LHFPL5: variants seen among roughly 807,000 people sequenced by gnomAD.
LHFPL5 encodes LHFPL tetraspan subfamily member 5 protein.
In LHFPL5, 12 loss-of-function variants were observed where a neutral mutation model predicts 18.7. The observed-to-expected ratio is 0.64, with a 90% CI of 0.41 to 1.04. The LOEUF (loss-of-function observed/expected upper bound fraction) is 1.04, where lower values mean the gene tolerates loss of function less well. Among genes scored for constraint, LHFPL5 ranks in the 50% least tolerant of loss-of-function variants. The probability of loss-of-function intolerance (pLI) is 0.00; values close to 1 mark genes in which losing one functional copy is unlikely to be tolerated. For synonymous variants in LHFPL5, 111 were observed against 120.2 expected (o/e 0.92, Z 0.50); for missense variants, 259 against 292.1 (o/e 0.89, Z 0.83).
rs772977874 is a variant in LHFPL5 at position 35,806,194 on chromosome 6, A to G, written c.412+112A>G. 267 of 1,155,526 alleles carry G rather than the reference A, an allele frequency of 2.3e-4. 2 individuals are homozygous for G. Among genetic ancestry groups the G allele is most frequent in the Non-Finnish European group, 3.1e-4 (248 of 804,106 alleles). The allele number at this position is 1,155,526 out of a possible 1,614,324, so 71.6% of individuals were successfully genotyped here. A position where few individuals can be genotyped will look rare whatever the true frequency, so the allele number is the denominator to read the frequency against. On this transcript the variant is annotated intron_variant, in intron 1 of 3. Coordinates refer to ENST00000360215, the MANE Select transcript of LHFPL5 (RefSeq NM_182548.4). ...GGGCCTTAAATTTAGCTGTTCTCCT[A>G]TAGCCCAGTCCTACTCAGTGCTCTG...
chr6:35,816,362 GA>G (rs1168442565), intron 2 of LHFPL5, among the ~76,000 whole-genome samples: 22 of 127,366 alleles, frequency 1.7e-4, no homozygotes, highest in African/African-American at 5.4e-4. Flanking sequence ...AAAAAAAAAA[GA>G]AAAAAAAAGA....
At position 35,814,521 on chromosome 6, in the gene LHFPL5, A is replaced by G; in HGVS notation, c.413-25A>G. 6.4e-7 allele frequency: 1 copy of G among 1,567,288 alleles called. No homozygotes were observed. On this transcript the variant is annotated intron_variant, in intron 1 of 3. Transcript: ENST00000360215. The surrounding 1 kb of genome is among the most constrained non-coding windows in gnomAD (Gnocchi z 4.2). ...GGCTAGGCACACTCGGCCTGATGCC[A>G]TGTGCACCCCTCCTTCCCCCTCAGC...
chr6:35,816,165 G>A (rs1448186087), intron 2 of LHFPL5, among the ~76,000 whole-genome samples: 2 of 142,216 alleles, frequency 1.4e-5, no homozygotes, highest in South Asian at 4.5e-4. Flanking sequence ...GTGACAGAGC[G>A]AGACTCCGTC....
At chr6:35,815,843 G>A (rs897284408) in intron 2 of LHFPL5, among the ~76,000 whole-genome samples, 1 of 152,150 alleles carries the variant, frequency 6.6e-6, no homozygotes, top group African/African-American at 2.4e-5. Flanking sequence ...CCTTCTTTGG[G>A]GGTGAGAGAA....
chr6:35,817,960 A>G (rs1002205423), intron 2 of LHFPL5, among the ~76,000 whole-genome samples: 1 of 152,250 alleles, frequency 6.6e-6, no homozygotes, highest in African/African-American at 2.4e-5. Flanking sequence ...GGTTTTTAGT[A>G]TATTCCATCT....
intron 2 of LHFPL5, among the ~76,000 whole-genome samples, chr6:35,815,038 C>A (rs947244895): frequency 6.6e-6 from 1 of 152,178 alleles, no homozygotes; most frequent in African/African-American, 2.4e-5. Flanking sequence ...GGGGAGAGAG[C>A]TGCAATCCAG....
chr6:35,820,434 C>G (rs1320133287), intron 3 of LHFPL5, among the ~76,000 whole-genome samples: 1 of 152,208 alleles, frequency 6.6e-6, no homozygotes, highest in Non-Finnish European at 1.5e-5. Context: ...GGCGCGGTGA[C>G]TCACGCCTGT....
chr6:35,818,235 T>C (rs1768796070), intron 2 of LHFPL5, among the ~76,000 whole-genome samples: 1 of 151,638 alleles, frequency 6.6e-6, no homozygotes, highest in Non-Finnish European at 1.5e-5. Context: ...TGATTGCTAA[T>C]GGGCACAGGG....
At chr6:35,816,945 T>A (rs1387641588) in intron 2 of LHFPL5, among the ~76,000 whole-genome samples, 1 of 151,976 alleles carries the variant, frequency 6.6e-6, no homozygotes, top group Non-Finnish European at 1.5e-5. Flanking sequence ...CAGATCTCTG[T>A]ATGTGAAAGA....
intron 1 of LHFPL5, among the ~76,000 whole-genome samples, chr6:35,808,879 A>G (rs1768619430): frequency 6.6e-6 from 1 of 152,044 alleles, no homozygotes. Flanking sequence ...CACTGATAGC[A>G]GAGGTGGCCA....
At chr6:35,813,873 C>T (rs1364870417) in intron 1 of LHFPL5, among the ~76,000 whole-genome samples, 5 of 150,232 alleles carry the variant, frequency 3.3e-5, no homozygotes, top group African/African-American at 4.9e-5. Context: ...CTCAGCTCAC[C>T]GCAACCTCTG....
At chr6:35,810,901 G>A (rs7754189) in intron 1 of LHFPL5, among the ~76,000 whole-genome samples, 3,264 of 151,780 alleles carry the variant, frequency 0.022, 93 homozygotes, top group African/African-American at 0.071. Context: ...AAGTGATGCC[G>A]TAGTAACAAA....
chr6:35,810,428 A>G (rs1214003216), intron 1 of LHFPL5, among the ~76,000 whole-genome samples: 1 of 152,174 alleles, frequency 6.6e-6, no homozygotes, highest in African/African-American at 2.4e-5. Flanking sequence ...GAAAAACACA[A>G]AAAACAGGCT....
chr6:35,809,152 G>A (rs1768623984), intron 1 of LHFPL5, among the ~76,000 whole-genome samples: 1 of 152,190 alleles, frequency 6.6e-6, no homozygotes, highest in Admixed American at 6.5e-5. Flanking sequence ...CTGGGTGCCA[G>A]GTGTAGGCTG....
intron 2 of LHFPL5, among the ~76,000 whole-genome samples, chr6:35,817,117 C>T (rs866291140): frequency 4.6e-5 from 7 of 152,056 alleles, no homozygotes; most frequent in Admixed American, 1.3e-4. Flanking sequence ...GAGGACAGAT[C>T]GAGACCATCC....
rs1410774308 is a variant in LHFPL5, at chr6:35,814,800, C to T, written c.649+18C>T. Reference sequence around the variant, plus strand: ...TGGAACCGGTAATCACCCAACTCCACAATGGTGTCCCCTGCCTGGAGACCC... The same window carrying T: ...TGGAACCGGTAATCACCCAACTCCATAATGGTGTCCCCTGCCTGGAGACCC... On this transcript the variant is annotated intron_variant, in intron 2 of 3. Transcript: ENST00000360215. This position sits in a 1 kb window ranked among gnomAD's most constrained non-coding sequence, Gnocchi z 4.2. The T allele has an allele frequency of 1.2e-6, 2 of 1,602,370 alleles. No individual in the cohort carries two copies. The highest frequency in any genetic ancestry group is 4.5e-5 in the East Asian group (2 of 44,818).
chr6:35,817,338 A>C (rs1034501791), intron 2 of LHFPL5, among the ~76,000 whole-genome samples: 1 of 152,214 alleles, frequency 6.6e-6, no homozygotes, highest in Non-Finnish European at 1.5e-5. Context: ...AAATCTTAAA[A>C]GAAAAAAATA....
At chr6:35,815,130 G>A (rs924420450) in intron 2 of LHFPL5, among the ~76,000 whole-genome samples, 1 of 152,140 alleles carries the variant, frequency 6.6e-6, no homozygotes, top group African/African-American at 2.4e-5. Context: ...GTTTGTTGGT[G>A]GAGATGGGGA....
chr6:35,814,798 C>T lies in LHFPL5; in HGVS notation c.649+16C>T, dbSNP rs1321120754. 6.2e-7 allele frequency: 1 copy of T among 1,604,742 alleles called. No individual in the cohort carries two copies. The highest frequency in any genetic ancestry group is 1.3e-5 in the African/African-American group (1 of 74,794). Reference sequence around the variant, plus strand: ...GATGGAACCGGTAATCACCCAACTCCACAATGGTGTCCCCTGCCTGGAGAC... The same window carrying T: ...GATGGAACCGGTAATCACCCAACTCTACAATGGTGTCCCCTGCCTGGAGAC... On this transcript the variant is annotated intron_variant, in intron 2 of 3. Transcript: ENST00000360215. This position sits in a 1 kb window ranked among gnomAD's most constrained non-coding sequence, Gnocchi z 4.2.
Sources: allele counts gnomAD v4.1 joint callset (sites outside exome capture counted in the v4.1 genomes callset), GRCh38; gene constraint gnomAD v4.1.1; non-coding constraint Gnocchi (gnomAD v3.1); transcripts MANE v1.5; gene names NCBI Gene and HGNC (gene_info 2026-07-23, HGNC 2026-07-21).